The following MTA3 variants were observed in gnomAD, a reference collection of about 807,000 sequenced individuals.
MTA3 encodes metastasis-associated protein MTA3.
A neutral mutation model predicts 83.5 loss-of-function variants in MTA3; 34 were observed. That is an observed-to-expected ratio of 0.41 (90% CI 0.31 to 0.54). MTA3 has a LOEUF of 0.54. MTA3 is among the 20% of genes least tolerant of loss of function. The pLI, the probability that MTA3 is intolerant of heterozygous loss-of-function variation, is 0.33. For missense variants in MTA3, 761 were observed against 726.4 expected, an observed-to-expected ratio of 1.05 and a Z score of -0.55; for synonymous variants, 303 against 252.7, an observed-to-expected ratio of 1.20 and a Z score of -1.89.
At chr2:42,615,437 C>G (rs1684746235) in intron 4 of MTA3, among the ~76,000 whole-genome samples, 1 of 151,844 alleles carries the variant, frequency 6.6e-6, no homozygotes, top group African/African-American at 2.4e-5. Flanking sequence ...TTCACTGCAA[C>G]CTCTGCCTCC....
Position 42,504,459 on chromosome 2 carries a change from T to C in MTA3, c.-141+9205T>C, listed in dbSNP as rs532467616. ...TTTCGCCATGTTGACCATGCTGGTC[T>C]CAAACTCCTGACCTCAGGTGATCCA... On this transcript the variant is annotated intron_variant, in intron 2 of 17. Transcript: ENST00000405592. 2.0e-5 allele frequency among the ~76,000 whole-genome samples: 3 copies of C among 152,216 alleles called. No individual in the cohort carries two copies. The South Asian group carries it at 6.2e-4, about 32-fold the overall frequency.
intron 2 of MTA3, among the ~76,000 whole-genome samples, chr2:42,504,865 G>T (rs1674556990): frequency 6.6e-6 from 1 of 152,016 alleles, no homozygotes; most frequent in African/African-American, 2.4e-5. Flanking sequence ...AAAGCTCACT[G>T]TATAATCATT....
intron 4 of MTA3, among the ~76,000 whole-genome samples, chr2:42,628,695 C>G (rs1196883061): frequency 6.6e-6 from 1 of 151,878 alleles, no homozygotes; most frequent in Non-Finnish European, 1.5e-5. Context: ...AATAAAAATA[C>G]CATACAATTC....
chr2:42,680,573 A>G (rs958950721), intron 8 of MTA3, among the ~76,000 whole-genome samples: 3 of 152,218 alleles, frequency 2.0e-5, no homozygotes, highest in African/African-American at 7.2e-5. Flanking sequence ...CAAGAATTAG[A>G]TCACTTTGCA....
chr2:42,698,250 C>T (rs1294384129), intron 11 of MTA3, among the ~76,000 whole-genome samples: 24 of 151,998 alleles, frequency 1.6e-4, no homozygotes, highest in Admixed American at 1.6e-3. Context: ...GTTCCAATGG[C>T]AATTAGAACC....
intron 15 of MTA3, among the ~76,000 whole-genome samples, chr2:42,722,462 G>A (rs541585073): frequency 6.6e-6 from 1 of 152,244 alleles, no homozygotes; most frequent in South Asian, 2.1e-4. Flanking sequence ...CCGTTTTTCA[G>A]AAAGTTCGCA....
At chr2:42,637,572 A>G (rs547540604) in intron 4 of MTA3, among the ~76,000 whole-genome samples, 100 of 152,296 alleles carry the variant, frequency 6.6e-4, no homozygotes, top group Non-Finnish European at 1.2e-3. Context: ...ATATGTGTTA[A>G]TTACATATTC....
At chr2:42,518,021 A>G (rs766581701) in intron 2 of MTA3, among the ~76,000 whole-genome samples, 1 of 151,976 alleles carries the variant, frequency 6.6e-6, no homozygotes, top group Non-Finnish European at 1.5e-5. Flanking sequence ...CCCCTCCTCT[A>G]CTAAAATACA....
intron 3 of MTA3, among the ~76,000 whole-genome samples, chr2:42,584,460 TATTGGCTTTATCATTCTATATATA>T (rs1372576831): frequency 6.6e-6 from 1 of 152,260 alleles, no homozygotes; most frequent in Non-Finnish European, 1.5e-5. Context: ...CATTTTGCCC[TATTGGCTTTATCATTCTATATATA>T]ATGCAAATAT....
At chr2:42,667,570 T>TTATGTGTG (rs770325715) in intron 8 of MTA3, among the ~76,000 whole-genome samples, 13 of 145,118 alleles carry the variant, frequency 9.0e-5, no homozygotes, top group Middle Eastern at 3.5e-3. Flanking sequence ...CATTTAAAAA[T>TTATGTGTG]TGTGTGTGTG....
intron 3 of MTA3, among the ~76,000 whole-genome samples, chr2:42,582,593 GC>G (rs1415892403): frequency 1.3e-5 from 2 of 152,090 alleles, no homozygotes; most frequent in African/African-American, 2.4e-5. Context: ...TTCGAGATCA[GC>G]CTGGCCAACT....
intron 4 of MTA3, among the ~76,000 whole-genome samples, chr2:42,639,662 C>T (rs1433078024): frequency 6.6e-6 from 1 of 152,068 alleles, no homozygotes; most frequent in East Asian, 1.9e-4. Context: ...AGAGTAATTT[C>T]AATATAGATG....
chr2:42,617,093 A>G (rs1684989383), intron 4 of MTA3, among the ~76,000 whole-genome samples: 3 of 152,206 alleles, frequency 2.0e-5, no homozygotes, highest in African/African-American at 4.8e-5. Context: ...ATTTGCAGCA[A>G]CCATGAGAAA....
At chr2:42,504,200 G>T (rs552215749) in intron 2 of MTA3, among the ~76,000 whole-genome samples, 35 of 152,102 alleles carry the variant, frequency 2.3e-4, no homozygotes, top group African/African-American at 8.0e-4. Context: ...AAAGTGCTGG[G>T]TTTACAGGCG....
chr2:42,560,963 A>ATAG (rs1401414859), intron 2 of MTA3, among the ~76,000 whole-genome samples: 1 of 152,086 alleles, frequency 6.6e-6, no homozygotes, highest in African/African-American at 2.4e-5. Flanking sequence ...AAAACTTCTA[A>ATAG]AGGCTTCCCA....
intron 2 of MTA3, 103 bp downstream of exon 2, chr2:42,570,607 C>G: frequency 1.7e-6 from 1 of 590,150 alleles, no homozygotes; most frequent in Non-Finnish European, 2.7e-6. Context: ...TGCCTGCAAT[C>G]CCAGTAAATT....
At chr2:42,613,719 C>G (rs879509510) in intron 4 of MTA3, 3 of 152,148 alleles carry the variant, frequency 2.0e-5, no homozygotes, top group Non-Finnish European at 4.4e-5. Flanking sequence ...GCTTTTTAGT[C>G]TGTGAACTAT....
At chr2:42,742,113 C>A (rs1669079398) in intron 16 of MTA3, among the ~76,000 whole-genome samples, 1 of 151,510 alleles carries the variant, frequency 6.6e-6, no homozygotes, top group Admixed American at 6.6e-5. Context: ...TTGCTCAGAC[C>A]ATAAAGCCAT....
intron 2 of MTA3, among the ~76,000 whole-genome samples, chr2:42,543,027 G>A (rs774385460): frequency 3.9e-5 from 6 of 152,084 alleles, no homozygotes; most frequent in Non-Finnish European, 5.9e-5. Context: ...AGTGTGGAGA[G>A]TGTTGATTGG....
Sources: gnomAD v4.1 joint callset for allele counts (sites outside exome capture counted in the v4.1 genomes callset) on GRCh38, gnomAD v4.1.1 for gene constraint, MANE v1.5 for transcripts, NCBI Gene and HGNC (gene_info 2026-07-23, HGNC 2026-07-21) for gene names.